RBL1: variants seen among roughly 807,000 people sequenced by gnomAD.
RBL1 encodes the protein RB transcriptional corepressor like 1, also known as retinoblastoma-like protein 1.
A neutral mutation model predicts 123.0 loss-of-function variants in RBL1; 82 were observed. The observed-to-expected ratio is 0.67, with a 90% CI of 0.56 to 0.80. RBL1 has a LOEUF of 0.80. RBL1 is among the 30% of genes least tolerant of loss of function. The pLI, the probability that RBL1 is intolerant of heterozygous loss-of-function variation, is 0.00. For missense variants in RBL1, 1,171 were observed against 1,299.6 expected (o/e 0.90, Z 1.52); for synonymous variants, 405 against 441.3 (o/e 0.92, Z 1.03).
intron 16 of RBL1, among the ~76,000 whole-genome samples, chr20:37,030,715 C>T (rs961736915): frequency 5.3e-5 from 8 of 151,938 alleles, no homozygotes; most frequent in African/African-American, 1.9e-4. Context: ...ATTAGCCAGG[C>T]GTGGTGGCAT....
At chr20:37,013,378 TG>T (rs2064196355) in intron 19 of RBL1, among the ~76,000 whole-genome samples, 1 of 151,628 alleles carries the variant, frequency 6.6e-6, no homozygotes, top group Non-Finnish European at 1.5e-5. Context: ...GTTAAACAGA[TG>T]CTTGAAGGCA....
intron 2 of RBL1, among the ~76,000 whole-genome samples, chr20:37,088,191 G>A (rs2065581896): frequency 1.3e-5 from 2 of 151,842 alleles, no homozygotes; most frequent in African/African-American, 4.8e-5. Context: ...CTTGAACCCA[G>A]GAGGCAGAGG....
At chr20:37,064,423 A>G (rs557816222) in intron 7 of RBL1, among the ~76,000 whole-genome samples, 2 of 152,100 alleles carry the variant, frequency 1.3e-5, no homozygotes, top group East Asian at 3.9e-4. Flanking sequence ...GGCATAAGCC[A>G]TTGCACGCCT....
chr20:37,050,282 G>A (rs1182047150), intron 11 of RBL1, among the ~76,000 whole-genome samples: 1 of 151,696 alleles, frequency 6.6e-6, no homozygotes. Flanking sequence ...AGTGGCTCAC[G>A]CCTGTAATCC....
At chr20:37,068,868 C>T (rs2146306170) in intron 2 of RBL1, among the ~76,000 whole-genome samples, 1 of 151,686 alleles carries the variant, frequency 6.6e-6, no homozygotes, top group African/African-American at 2.4e-5. Context: ...CTCCCTCTCC[C>T]TCTCTTTCCA....
chr20:37,064,931 CTTTTTTTT>C (rs377383954), intron 7 of RBL1, among the ~76,000 whole-genome samples: 2 of 133,622 alleles, frequency 1.5e-5, no homozygotes, highest in South Asian at 2.5e-4. Flanking sequence ...CGGCCTCTTT[CTTTTTTTT>C]TTTTTTTTTG....
rs565042194 is a variant in RBL1, at chr20:37,035,331, A to C, written c.2081T>G (p.Val694Gly). ...APSSSITAEN[V>G]SILPGQTLLT... ...AAGAGTTTGACCAGGTAAAATTGAT[A>C]CATTTTCAGCAGTAATGCTTGAAGA... The change falls in exon 15 of 22, where the codon GTA becomes GGA. Residue 694 changes from valine (V) to glycine (G), a missense_variant. Val to Gly is a moderately radical substitution (Grantham distance 109). Transcript: ENST00000373664. The C allele has an allele frequency of 6.2e-7, 1 of 1,614,060 alleles. No homozygotes were observed. The highest frequency in any genetic ancestry group is 1.3e-5 in the African/African-American group (1 of 75,052).
chr20:37,012,297 A>G (rs1331128808), intron 19 of RBL1, among the ~76,000 whole-genome samples: 5 of 147,924 alleles, frequency 3.4e-5, no homozygotes, highest in East Asian at 2.0e-4. Context: ...CCGTCTGGGA[A>G]GTGAGGAGCG....
chr20:37,013,277 C>A (rs901632047), intron 19 of RBL1, among the ~76,000 whole-genome samples: 15 of 151,852 alleles, frequency 9.9e-5, no homozygotes, highest in African/African-American at 2.9e-4. Flanking sequence ...TCCTGTTGAT[C>A]TGTGACCTTA....
chr20:37,004,277 T>C (rs1329531880), intron 20 of RBL1, among the ~76,000 whole-genome samples: 2 of 151,430 alleles, frequency 1.3e-5, no homozygotes. Context: ...TTAATAGAGA[T>C]GACCATGTTG....
In RBL1 at chr20:36,996,393, T is replaced by G. The variant is rs2063890287; in HGVS notation, c.*2366A>C. On this transcript the variant is annotated 3_prime_UTR_variant, in exon 22 of 22. Coordinates refer to ENST00000373664, the MANE Select transcript of RBL1 (RefSeq NM_002895.5). Reference sequence around the variant, plus strand: ...ATTCCAATTTTTATTAGCCATTCTATGTACATTGATACCAAGTCCTGAAAA... The same window carrying G: ...ATTCCAATTTTTATTAGCCATTCTAGGTACATTGATACCAAGTCCTGAAAA... 1 of 152,216 alleles carries G rather than the reference T, an allele frequency of 6.6e-6. No individual in the cohort carries two copies. Among genetic ancestry groups the G allele is most frequent in the African/African-American group, 2.4e-5 (1 of 41,462 alleles). 9.4% of individuals were successfully genotyped at this position (152,216 alleles called of 1,614,324 possible).
rs755839439 is a variant in RBL1 at position 36,998,751 on chromosome 20, GAAC to G, written c.*5_*7del. 10 of 1,603,222 alleles carry G rather than the reference GAAC, an allele frequency of 6.2e-6. No individual in the cohort carries two copies. The highest frequency in any genetic ancestry group is 3.3e-5 in the South Asian group (3 of 89,734). ...GAAAGTGCTTTTATCATAGAAACAA[GAAC>G]AACATTAATGATTTGCTCTTTCACT... is the stretch of plus-strand genomic sequence containing the variant. On this transcript the variant is annotated 3_prime_UTR_variant, in exon 22 of 22. Transcript: ENST00000373664.
At chr20:37,068,869 T>A (rs2065227451) in intron 2 of RBL1, among the ~76,000 whole-genome samples, 1 of 151,500 alleles carries the variant, frequency 6.6e-6, no homozygotes, top group African/African-American at 2.5e-5. Flanking sequence ...TCCCTCTCCC[T>A]CTCTTTCCAC....
intron 11 of RBL1, among the ~76,000 whole-genome samples, chr20:37,053,057 G>C (rs1308164208): frequency 6.6e-6 from 1 of 152,208 alleles, no homozygotes. Flanking sequence ...AAAGCTGACA[G>C]ACTTGAAAGA....
rs1213005865 is a variant in RBL1, at chr20:37,095,950, C to T, written c.-22G>A. 2.0e-6 allele frequency: 3 copies of T among 1,492,554 alleles called. No individual in the cohort carries two copies. Among genetic ancestry groups the T allele is most frequent in the Admixed American group, 2.0e-5 (1 of 48,934 alleles). The allele number at this position is 1,492,554 out of a possible 1,614,324, so 92.5% of individuals were successfully genotyped here. A position where few individuals can be genotyped will look rare whatever the true frequency, so the allele number is the denominator to read the frequency against. On this transcript the variant is annotated 5_prime_UTR_variant, in exon 1 of 22. Transcript: ENST00000373664. ...ACATCCCTTCAGGCCCCGCGGGCTG[C>T]GCGCCACGGCCCCCGACTTCTTTCT...
chr20:37,038,324 C>T (rs1248534326), intron 14 of RBL1, among the ~76,000 whole-genome samples: 1 of 122,206 alleles, frequency 8.2e-6, no homozygotes, highest in African/African-American at 3.2e-5. Context: ...TTTTTTGGGT[C>T]GGAGACTCGC....
At chr20:37,069,647 G>A (rs1405022233) in intron 2 of RBL1, among the ~76,000 whole-genome samples, 33 of 147,324 alleles carry the variant, frequency 2.2e-4, no homozygotes, top group East Asian at 8.2e-4. Context: ...CCCGGCAGCC[G>A]CCCCGTCTGA....
At chr20:37,023,093 GCAT>G (rs1467372653) in intron 16 of RBL1, among the ~76,000 whole-genome samples, 1 of 151,628 alleles carries the variant, frequency 6.6e-6, no homozygotes, top group Non-Finnish European at 1.5e-5. Flanking sequence ...GGATTTACCT[GCAT>G]CATGACAATT....
At chr20:37,089,904 T>C (rs1056667301) in intron 1 of RBL1, among the ~76,000 whole-genome samples, 3 of 151,984 alleles carry the variant, frequency 2.0e-5, no homozygotes, top group Non-Finnish European at 4.4e-5. Flanking sequence ...TGCAAAAAAT[T>C]AGCTGGGTGT....
Sources: gnomAD v4.1 joint callset for allele counts (sites outside exome capture counted in the v4.1 genomes callset) on GRCh38, gnomAD v4.1.1 for gene constraint, MANE v1.5 for transcripts, NCBI Gene and HGNC (gene_info 2026-07-23, HGNC 2026-07-21) for gene names.